The following GRID2 variants were observed in gnomAD, a reference collection of about 807,000 sequenced individuals.
The protein encoded by GRID2 is glutamate receptor ionotropic, delta-2.
GRID2 carries 33 observed loss-of-function variants against 114.8 expected under a neutral mutation model. The observed-to-expected ratio is 0.29, with a 90% CI of 0.22 to 0.38. The LOEUF (loss-of-function observed/expected upper bound fraction) is 0.38. Among genes scored for constraint, GRID2 ranks in the 10% least tolerant of loss-of-function variants. The pLI is 1.00. For synonymous variants in GRID2, 505 were observed against 449.9 expected, an observed-to-expected ratio of 1.12 and a Z score of -1.55; for missense variants, 1,184 against 1,257.7, an observed-to-expected ratio of 0.94 and a Z score of 0.89.
chr4:93,779,878 A>G (rs1477372952), intron 1 of GRID2, among the ~76,000 whole-genome samples: 1 of 152,192 alleles, frequency 6.6e-6, no homozygotes, highest in Non-Finnish European at 1.5e-5. Context: ...GCAAAGTGTG[A>G]GTGAGATTGC....
At chr4:92,647,308 AT>A (rs1050674603) in intron 2 of GRID2, among the ~76,000 whole-genome samples, 11 of 31,472 alleles carry the variant, frequency 3.5e-4, no homozygotes, top group Admixed American at 2.3e-3. Context: ...CTATTGTAAG[AT>A]TTTTTTTGTA....
chr4:93,101,014 T>G (rs552371588), intron 3 of GRID2, among the ~76,000 whole-genome samples: 1 of 152,160 alleles, frequency 6.6e-6, no homozygotes, highest in South Asian at 2.1e-4. Flanking sequence ...GTATAGATAA[T>G]ATACTCCATG....
At chr4:92,946,423 GA>G (rs1426458196) in intron 2 of GRID2, among the ~76,000 whole-genome samples, 3 of 151,732 alleles carry the variant, frequency 2.0e-5, no homozygotes, top group African/African-American at 7.3e-5. Context: ...GTCTTTTCCA[GA>G]GTATTTCTTC....
In GRID2 at chr4:93,273,365, T is replaced by A. The variant is rs533009155; in HGVS notation, c.1245+34875T>A. ...GAAAATATCTGAATGATTTCATTTT[T>A]AAAAAGAAAAATTATTTAATTGAGG... On this transcript the variant is annotated intron_variant, in intron 8 of 15. Transcript: ENST00000282020. Among the ~76,000 whole-genome samples the A allele has an allele frequency of 1.4e-3, 211 of 152,264 alleles. 1 individual carries two copies. The highest frequency in any genetic ancestry group is 2.6e-3 in the Non-Finnish European group (178 of 68,016).
At chr4:93,614,869 G>C (rs755799420) in intron 13 of GRID2, among the ~76,000 whole-genome samples, 5 of 152,130 alleles carry the variant, frequency 3.3e-5, no homozygotes, top group Non-Finnish European at 5.9e-5. Flanking sequence ...AATAACAACA[G>C]CAATAACATG....
intron 1 of GRID2, among the ~76,000 whole-genome samples, chr4:92,376,973 T>G (rs1408012713): frequency 3.3e-5 from 5 of 152,200 alleles, no homozygotes; most frequent in Non-Finnish European, 7.4e-5. Context: ...GAGGGGCTGC[T>G]GTGACAACCT....
downstream of GRID2, among the ~76,000 whole-genome samples, chr4:93,774,854 T>A (rs1415327914): frequency 2.6e-5 from 4 of 152,078 alleles, no homozygotes; most frequent in Non-Finnish European, 4.4e-5. Context: ...TCCTGTTTCA[T>A]GTAAGCAATG....
At chr4:93,796,322 C>T (rs1458637448) in intron 1 of GRID2, among the ~76,000 whole-genome samples, 1 of 152,154 alleles carries the variant, frequency 6.6e-6, no homozygotes, top group African/African-American at 2.4e-5. Flanking sequence ...TTATATAAAA[C>T]TCATATAGCA....
intron 8 of GRID2, among the ~76,000 whole-genome samples, chr4:93,350,446 C>T (rs1164706578): frequency 6.6e-6 from 1 of 151,966 alleles, no homozygotes; most frequent in Non-Finnish European, 1.5e-5. Context: ...GAATTGGAAA[C>T]ATAATCAAGT....
At chr4:92,936,386 C>T (rs1008587868) in intron 2 of GRID2, among the ~76,000 whole-genome samples, 2 of 146,672 alleles carry the variant, frequency 1.4e-5, no homozygotes, top group Admixed American at 7.4e-5. Context: ...ATTAATTATA[C>T]TGCCTAATTC....
At chr4:92,627,475 T>C in intron 2 of GRID2, among the ~76,000 whole-genome samples, 1 of 152,226 alleles carries the variant, frequency 6.6e-6, no homozygotes, top group Middle Eastern at 3.4e-3. Context: ...TAACAAATAA[T>C]ATTTTACTGT....
intron 13 of GRID2, among the ~76,000 whole-genome samples, chr4:93,590,646 A>G (rs1210371247): frequency 6.6e-6 from 1 of 152,172 alleles, no homozygotes; most frequent in African/African-American, 2.4e-5. Flanking sequence ...TACCTTGGGC[A>G]GTATGGCCAT....
chr4:93,537,163 C>T (rs1732173000), intron 13 of GRID2, among the ~76,000 whole-genome samples: 1 of 151,734 alleles, frequency 6.6e-6, no homozygotes, highest in South Asian at 2.1e-4. Context: ...GTTTATATAA[C>T]TCATCCTAAC....
At chr4:92,791,965 T>G (rs552146683) in intron 2 of GRID2, among the ~76,000 whole-genome samples, 1 of 151,850 alleles carries the variant, frequency 6.6e-6, no homozygotes, top group Admixed American at 6.6e-5. Context: ...ATGTAATATA[T>G]GGATATACTT....
intron 8 of GRID2, among the ~76,000 whole-genome samples, chr4:93,323,001 G>T (rs1007153069): frequency 3.3e-5 from 5 of 152,128 alleles, no homozygotes; most frequent in African/African-American, 9.7e-5. Context: ...TAGGTTGCCT[G>T]TTCACTCTGA....
At chr4:93,401,277 A>G (rs1254211422) in intron 9 of GRID2, among the ~76,000 whole-genome samples, 3 of 152,090 alleles carry the variant, frequency 2.0e-5, no homozygotes, top group African/African-American at 7.2e-5. Context: ...ATATATAAAT[A>G]TATGACTGGA....
intron 10 of GRID2, among the ~76,000 whole-genome samples, chr4:93,454,442 C>A (rs1722997648): frequency 1.3e-5 from 2 of 151,984 alleles, no homozygotes; most frequent in Non-Finnish European, 2.9e-5. Flanking sequence ...TTTAGTTTCT[C>A]CACTTACGAA....
At chr4:93,575,440 TA>T (rs1209555925) in intron 13 of GRID2, among the ~76,000 whole-genome samples, 1 of 152,164 alleles carries the variant, frequency 6.6e-6, no homozygotes, top group Non-Finnish European at 1.5e-5. Flanking sequence ...TCAAAGCTAA[TA>T]TTTAATGATA....
At chr4:93,211,603 G>A (rs972435809) in intron 5 of GRID2, among the ~76,000 whole-genome samples, 3 of 152,016 alleles carry the variant, frequency 2.0e-5, no homozygotes, top group Admixed American at 6.6e-5. Context: ...ACTGTGAATT[G>A]TCTAATAAAA....
Sources: allele counts gnomAD v4.1 joint callset (sites outside exome capture counted in the v4.1 genomes callset), GRCh38; gene constraint gnomAD v4.1.1; transcripts MANE v1.5; gene names NCBI Gene and HGNC (gene_info 2026-07-23, HGNC 2026-07-21).